Variants in FOXP2 observed in about 807,000 individuals in gnomAD.
FOXP2 encodes forkhead box P2.
A neutral mutation model predicts 115.8 loss-of-function variants in FOXP2; 12 were observed. The ratio of observed to expected loss-of-function variants is 0.10; its 90% CI spans 0.07 to 0.17. The LOEUF (loss-of-function observed/expected upper bound fraction) is 0.17. Ranked by LOEUF, FOXP2 falls within the 10% of genes least tolerant of loss-of-function variation. The pLI is 1.00. For synonymous variants in FOXP2, 328 were observed against 297.7 expected (o/e 1.10, Z -1.05); for missense variants, 629 against 843.5 (o/e 0.75, Z 3.15).
At chr7:114,185,964 T>C (rs944728270) in intron 1 of FOXP2, among the ~76,000 whole-genome samples, 2 of 151,770 alleles carry the variant, frequency 1.3e-5, no homozygotes, top group Non-Finnish European at 2.9e-5. Flanking sequence ...TTTTTTGCTA[T>C]GGCATCACGT....
intron 2 of FOXP2, among the ~76,000 whole-genome samples, chr7:114,470,352 A>C (rs183082251): frequency 1.3e-5 from 2 of 152,300 alleles, no homozygotes; most frequent in African/African-American, 4.8e-5. Context: ...CTTCCATTTT[A>C]ACTAAAACAT....
intron 2 of FOXP2, among the ~76,000 whole-genome samples, chr7:114,482,015 C>T (rs1217052946): frequency 6.6e-6 from 1 of 151,292 alleles, no homozygotes; most frequent in African/African-American, 2.4e-5. Flanking sequence ...ATTGATTACT[C>T]TTCTTTCTTA....
chr7:114,227,974 G>T (rs946074075), intron 1 of FOXP2, among the ~76,000 whole-genome samples: 3 of 151,972 alleles, frequency 2.0e-5, no homozygotes, highest in African/African-American at 4.8e-5. Flanking sequence ...AAGATGTGAT[G>T]AATTAAACAC....
chr7:114,123,455 A>G (rs1327931305), intron 1 of FOXP2, among the ~76,000 whole-genome samples: 1 of 152,004 alleles, frequency 6.6e-6, no homozygotes, highest in Non-Finnish European at 1.5e-5. Flanking sequence ...TTACATTGTA[A>G]TGAAAATATT....
intron 6 of FOXP2, among the ~76,000 whole-genome samples, chr7:114,641,104 A>G (rs1584981886): frequency 1.3e-5 from 2 of 152,168 alleles, no homozygotes; most frequent in African/African-American, 4.8e-5. Context: ...TTAAATCACA[A>G]CTTTACCACG....
chr7:114,222,775 A>G (rs1450482048), intron 1 of FOXP2, among the ~76,000 whole-genome samples: 2 of 152,184 alleles, frequency 1.3e-5, no homozygotes, highest in Non-Finnish European at 2.9e-5. Context: ...TTGAATTTTG[A>G]AGGACAAGGA....
chr7:114,559,251 T>G (rs1800631498), intron 3 of FOXP2, among the ~76,000 whole-genome samples: 3 of 152,304 alleles, frequency 2.0e-5, no homozygotes, highest in African/African-American at 7.2e-5. Flanking sequence ...TGAAAGATAC[T>G]TGATTAGCAT....
chr7:114,479,816 T>A (rs1241033142), intron 2 of FOXP2, among the ~76,000 whole-genome samples: 107 of 151,590 alleles, frequency 7.1e-4, no homozygotes, highest in Non-Finnish European at 1.2e-4. Context: ...TTAATATAGG[T>A]TACCGCAGCA....
chr7:114,207,125 A>G (rs1419054342), intron 1 of FOXP2, among the ~76,000 whole-genome samples: 1 of 152,202 alleles, frequency 6.6e-6, no homozygotes, highest in Non-Finnish European at 1.5e-5. Context: ...CCCATATTGC[A>G]GCATGTATCA....
rs1792121982 is a variant in FOXP2 at position 114,375,707 on chromosome 7, C to A, written c.-10-50795C>A. ...GCTGCAGCCACTTGGTTCTCCCAAG[C>A]ATCGCCTCTCTCTCTCTCCCAATGT... On this transcript the variant is annotated intron_variant, in intron 2 of 17. Coordinates refer to the FOXP2 transcript ENST00000634411. Among the ~76,000 whole-genome samples the A allele has an allele frequency of 2.0e-5, 3 of 152,154 alleles. No individual in the cohort carries two copies. The South Asian group carries it at 6.2e-4, about 32-fold the overall frequency.
intron 1 of FOXP2, among the ~76,000 whole-genome samples, chr7:114,146,826 G>A (rs1792384526): frequency 6.6e-6 from 1 of 152,118 alleles, no homozygotes; most frequent in African/African-American, 2.4e-5. Flanking sequence ...CTACAGTTAT[G>A]AAACCTCTGA....
At chr7:114,094,857 G>T (rs993656610) in intron 1 of FOXP2, among the ~76,000 whole-genome samples, 12 of 151,792 alleles carry the variant, frequency 7.9e-5, no homozygotes, top group Admixed American at 6.6e-4. Context: ...ATGAGGTCTC[G>T]CTATGTTGTC....
At chr7:114,154,636 T>C (rs1792613642) in intron 1 of FOXP2, among the ~76,000 whole-genome samples, 1 of 152,144 alleles carries the variant, frequency 6.6e-6, no homozygotes, top group Admixed American at 6.6e-5. Flanking sequence ...GGACAACTTA[T>C]ACAAAGAATA....
intron 2 of FOXP2, among the ~76,000 whole-genome samples, chr7:114,476,969 G>A (rs1228922888): frequency 6.6e-6 from 1 of 151,826 alleles, no homozygotes; most frequent in Non-Finnish European, 1.5e-5. Flanking sequence ...CTTACACCAG[G>A]CAGAATGGCA....
chr7:114,412,669 C>T (rs972818092), upstream of FOXP2, among the ~76,000 whole-genome samples: 2 of 152,134 alleles, frequency 1.3e-5, no homozygotes, highest in African/African-American at 4.8e-5. Context: ...CAGCTTTGTG[C>T]GGGAGGCACC....
intron 1 of FOXP2, among the ~76,000 whole-genome samples, chr7:114,144,472 T>C (rs1792308726): frequency 6.6e-6 from 1 of 152,156 alleles, no homozygotes; most frequent in Admixed American, 6.6e-5. Flanking sequence ...TATGTAAATA[T>C]GAGCATCATC....
chr7:114,613,140 A>C (rs192515579), intron 3 of FOXP2, among the ~76,000 whole-genome samples: 7 of 152,330 alleles, frequency 4.6e-5, no homozygotes, highest in Admixed American at 3.3e-4. Context: ...AATTATTTAT[A>C]ATCTTAATGT....
chr7:114,210,557 C>A (rs1216952718), intron 1 of FOXP2, among the ~76,000 whole-genome samples: 1 of 152,130 alleles, frequency 6.6e-6, no homozygotes, highest in African/African-American at 2.4e-5. Context: ...TGACTTGTTA[C>A]CTGCCTGAAT....
Position 114,653,914 on chromosome 7 carries a change from C to T in FOXP2, c.1183-12C>T, listed in dbSNP as rs200946224. 6.2e-7 allele frequency: 1 copy of T among 1,612,092 alleles called. No homozygotes were observed. Among genetic ancestry groups the T allele is most frequent in the Non-Finnish European group, 8.5e-7 (1 of 1,178,808 alleles). On this transcript the variant is annotated splice_polypyrimidine_tract_variant and intron_variant, in intron 9 of 16. Transcript: ENST00000350908. ...TTTCTAAAACGCTTCTGATCTCACT[C>T]TTTCTTAACAGCTTTCTAAAGAACG...
Sources: allele counts gnomAD v4.1 joint callset (sites outside exome capture counted in the v4.1 genomes callset), GRCh38; gene constraint gnomAD v4.1.1; transcripts MANE v1.5; gene names NCBI Gene and HGNC (gene_info 2026-07-23, HGNC 2026-07-21).